DOT1L: variants seen among roughly 807,000 people sequenced by gnomAD.
DOT1L encodes DOT1 like histone lysine methyltransferase.
DOT1L carries 33 observed loss-of-function variants against 153.3 expected under a neutral mutation model. The ratio of observed to expected loss-of-function variants is 0.22; its 90% CI spans 0.16 to 0.29. The LOEUF (loss-of-function observed/expected upper bound fraction) is 0.29. Ranked by LOEUF, DOT1L falls within the 10% of genes least tolerant of loss-of-function variation. The probability of loss-of-function intolerance (pLI) is 1.00; values close to 1 mark genes in which losing one functional copy is unlikely to be tolerated. For missense variants in DOT1L, 1,847 were observed against 2,119.9 expected (o/e 0.87, Z 2.53); for synonymous variants, 1,135 against 965.1 (o/e 1.18, Z -3.26).
chr19:2,190,410 T>C lies in DOT1L; in HGVS notation c.265-602T>C, dbSNP rs776987346. On this transcript the variant is annotated intron_variant, in intron 4 of 27. Transcript: ENST00000398665. The surrounding 1 kb of genome is among the most constrained non-coding windows in gnomAD (Gnocchi z 4.8). ...GAGCCCTGGTGGGGGTGGCATGGGC[T>C]CACTTGGCCCTCCTGAGTGGGACTG... Among the ~76,000 whole-genome samples the C allele has an allele frequency of 2.8e-4, 42 of 152,008 alleles. No homozygotes were observed. The highest frequency in any genetic ancestry group is 5.4e-4 in the Non-Finnish European group (37 of 67,966).
chr19:2,179,770 T>G (rs550976784), intron 1 of DOT1L, among the ~76,000 whole-genome samples: 2 of 151,876 alleles, frequency 1.3e-5, no homozygotes, highest in Non-Finnish European at 2.9e-5. Context: ...TTGCACCACT[T>G]CACTCCAGCC....
At chr19:2,211,973 C>G in intron 16 of DOT1L, 131 bp downstream of exon 16, 2 of 776,618 alleles carry the variant, frequency 2.6e-6, no homozygotes, top group African/African-American at 3.5e-5. Flanking sequence ...TGCTCACCTG[C>G]TGCGAGAAAC....
In DOT1L at chr19:2,193,803, A is replaced by G. The variant is rs961701169; in HGVS notation, c.588+20A>G. 3.7e-6 allele frequency: 6 copies of G among 1,610,936 alleles called. No individual in the cohort carries two copies. The African/African-American group carries it at 5.3e-5, about 14-fold the overall frequency. On this transcript the variant is annotated intron_variant, in intron 6 of 27. Coordinates refer to ENST00000398665, the MANE Select transcript of DOT1L (RefSeq NM_032482.3). This position sits in a 1 kb window ranked among gnomAD's most constrained non-coding sequence, Gnocchi z 5.9. ...GCGGAGGTGAGCGGATCTGAGGGCC[A>G]GGGTGTGTTGGAGGCAGGGGACCAT...
In DOT1L at chr19:2,204,639, C is replaced by T. The variant is rs188142696; in HGVS notation, c.787+1860C>T. Reference sequence around the variant, plus strand: ...CTGAGTCAGGGTACTGCAGTGGCGTCTTCTGTCCGGCCCCTCCCTGTTTTG... The same window carrying T: ...CTGAGTCAGGGTACTGCAGTGGCGTTTTCTGTCCGGCCCCTCCCTGTTTTG... On this transcript the variant is annotated intron_variant, in intron 9 of 27. Transcript: ENST00000398665. The surrounding 1 kb of genome is among the most constrained non-coding windows in gnomAD (Gnocchi z 5.7). 1.3e-5 allele frequency among the ~76,000 whole-genome samples: 2 copies of T among 152,324 alleles called. No homozygotes were observed. Among genetic ancestry groups the T allele is most frequent in the Admixed American group, 6.5e-5 (1 of 15,300 alleles).
chr19:2,183,944 G>A (rs2022367196), intron 2 of DOT1L, among the ~76,000 whole-genome samples: 1 of 143,112 alleles, frequency 7.0e-6, no homozygotes, highest in Admixed American at 6.8e-5. Flanking sequence ...TTTTTATGTG[G>A]CATTTTGACA....
At position 2,190,139 on chromosome 19, in the gene DOT1L, G is replaced by A. The variant is rs917297798; in HGVS notation, c.264+344G>A. Among the ~76,000 whole-genome samples, 1 of 152,072 alleles carries A rather than the reference G, an allele frequency of 6.6e-6. No homozygotes were observed. Among genetic ancestry groups the A allele is most frequent in the African/African-American group, 2.4e-5 (1 of 41,408 alleles). ...GTCCTCCCCGGGCTGTGTGAATGCCGGCCTTCCCCCTTGGACCTCCCCCAC... is the reference window on the plus strand; with the variant it reads ...GTCCTCCCCGGGCTGTGTGAATGCCAGCCTTCCCCCTTGGACCTCCCCCAC... On this transcript the variant is annotated intron_variant, in intron 4 of 27. Transcript: ENST00000398665. The surrounding 1 kb of genome is among the most constrained non-coding windows in gnomAD (Gnocchi z 4.8).
At chr19:2,183,045 AG>A (rs1401469803) in intron 2 of DOT1L, among the ~76,000 whole-genome samples, 3 of 152,152 alleles carry the variant, frequency 2.0e-5, no homozygotes, top group Non-Finnish European at 2.9e-5. Context: ...GCATGTGGCC[AG>A]GGTTCTCACG....
chr19:2,169,579 C>T (rs993102019), intron 1 of DOT1L, among the ~76,000 whole-genome samples: 9 of 151,930 alleles, frequency 5.9e-5, no homozygotes, highest in Non-Finnish European at 8.8e-5. Context: ...CTGCAGCCTC[C>T]GCCTCCTGGG....
intron 27 of DOT1L, 51 bp downstream of exon 27, chr19:2,227,178 C>T (rs1405714972): frequency 6.3e-7 from 1 of 1,580,248 alleles, no homozygotes; most frequent in South Asian, 1.1e-5. Flanking sequence ...CCGCCGGAGG[C>T]CCCTTCCTTT....
rs767308628 is a variant in DOT1L, at chr19:2,191,679, G to A, written c.493+439G>A. On this transcript the variant is annotated intron_variant, in intron 5 of 27. Coordinates refer to ENST00000398665, the MANE Select transcript of DOT1L (RefSeq NM_032482.3). The surrounding 1 kb of genome is among the most constrained non-coding windows in gnomAD (Gnocchi z 6.8). Reference sequence around the variant, plus strand: ...CACAGCGGCTGGAAAGGTCCCCCGCGGAGGAAGACCCCAGGTCCCTGGGCT... The same window carrying A: ...CACAGCGGCTGGAAAGGTCCCCCGCAGAGGAAGACCCCAGGTCCCTGGGCT... Among the ~76,000 whole-genome samples, 32 of 152,120 alleles carry A rather than the reference G, an allele frequency of 2.1e-4. No homozygotes were observed. Among genetic ancestry groups the A allele is most frequent in the Non-Finnish European group, 4.0e-4 (27 of 68,000 alleles).
intron 2 of DOT1L, among the ~76,000 whole-genome samples, chr19:2,181,611 G>T (rs2022235167): frequency 6.6e-6 from 1 of 152,220 alleles, no homozygotes; most frequent in African/African-American, 2.4e-5. Context: ...TCCGTGCTTA[G>T]AATGTGGGAT....
intron 16 of DOT1L, chr19:2,212,788 C>A (rs2023760459): frequency 6.6e-6 from 1 of 152,268 alleles, no homozygotes; most frequent in African/African-American, 2.4e-5. Context: ...TGGAAATGGA[C>A]CACTGTATAC....
chr19:2,195,747 C>T (rs2022989602), intron 7 of DOT1L, among the ~76,000 whole-genome samples: 1 of 152,222 alleles, frequency 6.6e-6, no homozygotes, highest in African/African-American at 2.4e-5. Context: ...CAGAGCGGCT[C>T]AGGATGGAAC....
At chr19:2,189,699 C>A (rs186572260) in intron 3 of DOT1L, 33 bp from the exon 4 acceptor site, 2 of 1,606,224 alleles carry the variant, frequency 1.2e-6, no homozygotes, top group South Asian at 2.2e-5. Context: ...GGCTCCTGCC[C>A]GCATGACCAG....
Position 2,226,500 on chromosome 19 carries a change from A to T in DOT1L, c.3979A>T (p.Ser1327Cys), listed in dbSNP as rs774338731. 4 of 1,600,758 alleles carry T rather than the reference A, an allele frequency of 2.5e-6. No homozygotes were observed. In the South Asian group the frequency reaches 3.3e-5, roughly 13 times the overall value. The change falls in exon 27 of 28, where the codon AGT becomes TGT. Residue 1327 changes from serine (S) to cysteine (C), a missense_variant. Ser to Cys is a moderately radical substitution (Grantham distance 112). Coordinates refer to ENST00000398665, the MANE Select transcript of DOT1L (RefSeq NM_032482.3). ...CGGCGGGGGCCTGGCCGCGGACCTG[A>T]GTTTACACAGCTTCAGTGATGGTGC... ...TFGGGLAADL[S>C]LHSFSDGASL...
In DOT1L at chr19:2,222,506, G is replaced by A. The variant is rs530634189; in HGVS notation, c.3337G>A (p.Val1113Ile). The change falls in exon 24 of 28, where the codon GTC (valine) becomes ATC (isoleucine). Residue 1113 changes from valine to isoleucine, a missense_variant. Val to Ile is a conservative substitution (Grantham distance 29). Transcript: ENST00000398665. The surrounding 1 kb of genome is among the most constrained non-coding windows in gnomAD (Gnocchi z 6.5). ...VSPKRRALPS[V>I]AGLFTQPSGS... ...CCCCAAGCGCCGAGCCCTGCCGTCCGTCGCTGGCCTTTTCACACAGCCTTC... is the reference window on the plus strand; with the variant it reads ...CCCCAAGCGCCGAGCCCTGCCGTCCATCGCTGGCCTTTTCACACAGCCTTC... 1.3e-5 allele frequency: 20 copies of A among 1,577,362 alleles called. No individual in the cohort carries two copies. Among genetic ancestry groups the A allele is most frequent in the East Asian group, 9.0e-5 (4 of 44,466 alleles).
intron 1 of DOT1L, among the ~76,000 whole-genome samples, chr19:2,172,767 G>A (rs779716312): frequency 6.6e-6 from 1 of 152,130 alleles, no homozygotes; most frequent in Admixed American, 6.5e-5. Flanking sequence ...CTCCCAAAGT[G>A]CTGGGATTAC....
At position 2,189,647 on chromosome 19, in the gene DOT1L, G is replaced by T; in HGVS notation, c.201-85G>T. On this transcript the variant is annotated intron_variant, in intron 3 of 27. Transcript: ENST00000398665. ...GTCCAGGCAGGGACCACACCTTGGAGCCTGCCTTATCCACATGCTGTCCCC... is the reference window on the plus strand; with the variant it reads ...GTCCAGGCAGGGACCACACCTTGGATCCTGCCTTATCCACATGCTGTCCCC... 4.0e-6 allele frequency: 6 copies of T among 1,496,710 alleles called. No homozygotes were observed. In the South Asian group the frequency reaches 5.7e-5, roughly 14 times the overall value. 92.7% of individuals were successfully genotyped at this position (1,496,710 alleles called of 1,614,324 possible). A position where few individuals can be genotyped will look rare whatever the true frequency, so the allele number is the denominator to read the frequency against.
In DOT1L at chr19:2,211,238, A is replaced by G. The variant is rs370971853; in HGVS notation, c.1465+26A>G. On this transcript the variant is annotated intron_variant, in intron 15 of 27. Transcript: ENST00000398665. ...GTGAGCCCGTGTGAGGCGTCCGGCG[A>G]AGGGTTCTGGGCTTGGGGTCATCCC... 5.1e-6 allele frequency: 8 copies of G among 1,576,270 alleles called. No homozygotes were observed. In the African/African-American group the frequency reaches 1.1e-4, roughly 21 times the overall value.
Sources: allele counts gnomAD v4.1 joint callset (sites outside exome capture counted in the v4.1 genomes callset), GRCh38; gene constraint gnomAD v4.1.1; non-coding constraint Gnocchi (gnomAD v3.1); transcripts MANE v1.5; gene names NCBI Gene and HGNC (gene_info 2026-07-23, HGNC 2026-07-21).